Variants in CCDC7 observed in about 807,000 individuals in gnomAD.
CCDC7 encodes coiled-coil domain-containing protein 7.
A neutral mutation model predicts 196.9 loss-of-function variants in CCDC7; 183 were observed. The ratio of observed to expected loss-of-function variants is 0.93; its 90% CI spans 0.82 to 1.05. The LOEUF (loss-of-function observed/expected upper bound fraction) is 1.05, where lower values mean the gene tolerates loss of function less well. CCDC7 is among the 50% of genes least tolerant of loss of function. The pLI is 0.00. For missense variants in CCDC7, 1,540 were observed against 1,482.2 expected, an observed-to-expected ratio of 1.04 and a Z score of -0.64; for synonymous variants, 525 against 484.6, an observed-to-expected ratio of 1.08 and a Z score of -1.10.
intron 18 of CCDC7, among the ~76,000 whole-genome samples, chr10:32,597,381 A>G (rs564289182): frequency 1.6e-4 from 24 of 152,296 alleles, no homozygotes; most frequent in African/African-American, 5.8e-4. Context: ...CAAGTCATTT[A>G]AGGACTTCTC....
At chr10:32,608,072 C>T (rs1344559567) in intron 18 of CCDC7, among the ~76,000 whole-genome samples, 5 of 152,098 alleles carry the variant, frequency 3.3e-5, no homozygotes, top group Non-Finnish European at 7.4e-5. Context: ...TTCATCTCTT[C>T]CACGTTTTCC....
chr10:32,847,222 G>A (rs1193171437), intron 37 of CCDC7, among the ~76,000 whole-genome samples: 1 of 152,068 alleles, frequency 6.6e-6, no homozygotes, highest in Non-Finnish European at 1.5e-5. Context: ...AATAAGGAGA[G>A]AACAATGACA....
chr10:32,870,704 GC>G (rs1370953814), intron 41 of CCDC7, among the ~76,000 whole-genome samples: 2 of 152,110 alleles, frequency 1.3e-5, no homozygotes, highest in Middle Eastern at 6.3e-3. Context: ...TCCAGTTTTT[GC>G]CCATTCAGTA....
At chr10:32,836,948 G>T (rs888925937) in intron 33 of CCDC7, among the ~76,000 whole-genome samples, 2 of 152,030 alleles carry the variant, frequency 1.3e-5, no homozygotes, top group East Asian at 3.9e-4. Context: ...GACTTACATG[G>T]TAGACCTAAA....
intron 39 of CCDC7, among the ~76,000 whole-genome samples, chr10:32,849,590 C>T (rs920351387): frequency 6.6e-6 from 1 of 150,628 alleles, no homozygotes; most frequent in African/African-American, 2.4e-5. Flanking sequence ...GTAGTCCCAG[C>T]TACTTGGGAG....
intron 29 of CCDC7, among the ~76,000 whole-genome samples, chr10:32,785,541 A>C (rs995844716): frequency 5.3e-5 from 8 of 152,166 alleles, no homozygotes; most frequent in Non-Finnish European, 8.8e-5. Flanking sequence ...AGTTCATAGC[A>C]AGAAGGTAGA....
intron 21 of CCDC7, among the ~76,000 whole-genome samples, chr10:32,673,653 ACGTGTG>A (rs1054684484): frequency 8.3e-5 from 10 of 120,638 alleles, no homozygotes; most frequent in African/African-American, 2.2e-4. Context: ...ACCATTGTGC[ACGTGTG>A]TGTGTGTGTG....
intron 10 of CCDC7, 69 bp downstream of exon 11, chr10:32,518,044 C>T (rs2990984): frequency 0.38 from 560,495 of 1,490,408 alleles, 108,707 homozygotes; most frequent in East Asian, 0.59. Flanking sequence ...TAGAAATTGT[C>T]AGGATACATA....
chr10:32,837,367 A>G (rs1437136717), intron 33 of CCDC7, among the ~76,000 whole-genome samples: 2 of 152,140 alleles, frequency 1.3e-5, no homozygotes, highest in African/African-American at 4.8e-5. Flanking sequence ...AATCAAAACC[A>G]CAATGAGATA....
chr10:32,687,718 G>T (rs1178669188), intron 22 of CCDC7, among the ~76,000 whole-genome samples: 1 of 152,242 alleles, frequency 6.6e-6, no homozygotes, highest in East Asian at 1.9e-4. Context: ...TGGAAATAGG[G>T]ACGTTGGTCT....
Position 32,518,712 on chromosome 10 carries a change from A to C in CCDC7, c.993+207A>C, listed in dbSNP as rs577269010. Among the ~76,000 whole-genome samples, 3 of 146,116 alleles carry C rather than the reference A, an allele frequency of 2.1e-5. No individual in the cohort carries two copies. The South Asian group carries it at 6.6e-4, about 32-fold the overall frequency. On this transcript the variant is annotated intron_variant, in intron 11 of 41. Transcript: ENST00000639629. ...CAAAAGGATGCCATGAAAAAACATA[A>C]AATTTAAACATCTGAAAAGACATTT...
chr10:32,443,852 A>T (rs1248080193), upstream of CCDC7, among the ~76,000 whole-genome samples: 1 of 152,206 alleles, frequency 6.6e-6, no homozygotes, highest in African/African-American at 2.4e-5. Flanking sequence ...TTTTGATCAT[A>T]AACGCATTTA....
intron 30 of CCDC7, among the ~76,000 whole-genome samples, chr10:32,806,402 C>T (rs2085870439): frequency 6.6e-6 from 1 of 152,024 alleles, no homozygotes. Context: ...TTATGAGAAT[C>T]CTAGCTGTTA....
rs140030008 is a variant in CCDC7 at position 32,792,584 on chromosome 10, T to C, written c.3014-12431T>C. ...GGGAGGCTGAGGTGGGCAGATCACC[T>C]GAGGTCAGGAGTTCAAGACCACCCT... On this transcript the variant is annotated intron_variant, in intron 29 of 41. Transcript: ENST00000639629. 8.8e-3 allele frequency among the ~76,000 whole-genome samples: 1,339 copies of C among 152,272 alleles called. 15 individuals carry two copies. The highest frequency in any genetic ancestry group is 0.029 in the African/African-American group (1,218 of 41,552).
intron 16 of CCDC7, among the ~76,000 whole-genome samples, chr10:32,577,353 A>G (rs1233633763): frequency 2.0e-5 from 3 of 152,120 alleles, no homozygotes; most frequent in Non-Finnish European, 1.5e-5. Context: ...CCATCTCAAA[A>G]ATAAAATAAA....
intron 21 of CCDC7, among the ~76,000 whole-genome samples, chr10:32,670,799 A>G (rs1485067832): frequency 1.3e-5 from 2 of 151,292 alleles, no homozygotes; most frequent in South Asian, 2.1e-4. Context: ...TTTTTCTAGT[A>G]TCTATTTTGT....
At chr10:32,764,848 A>C (rs546321027) in intron 28 of CCDC7, among the ~76,000 whole-genome samples, 15 of 152,184 alleles carry the variant, frequency 9.9e-5, no homozygotes, top group African/African-American at 3.4e-4. Context: ...CTCAGAGGCC[A>C]AGTGGTGGCA....
intron 18 of CCDC7, among the ~76,000 whole-genome samples, chr10:32,619,865 C>A (rs2063191928): frequency 6.8e-6 from 1 of 146,312 alleles, no homozygotes; most frequent in Admixed American, 6.8e-5. Context: ...TCCAAAAGTG[C>A]TGATATTACA....
chr10:32,601,052 A>C (rs1166400049), intron 18 of CCDC7, among the ~76,000 whole-genome samples: 1 of 151,920 alleles, frequency 6.6e-6, no homozygotes, highest in Non-Finnish European at 1.5e-5. Context: ...TGGCCTCCAT[A>C]GTTTCTGATG....
Sources: gnomAD v4.1 joint callset for allele counts (sites outside exome capture counted in the v4.1 genomes callset) on GRCh38, gnomAD v4.1.1 for gene constraint, MANE v1.5 for transcripts, NCBI Gene and HGNC (gene_info 2026-07-23, HGNC 2026-07-21) for gene names.